Variants in LYPLAL1 observed in about 807,000 individuals in gnomAD.
The protein encoded by LYPLAL1 is lysophospholipase like 1.
In LYPLAL1, 23 loss-of-function variants were observed where a neutral mutation model predicts 19.7. The observed-to-expected ratio is 1.17, with a 90% CI of 0.84 to 1.65. The LOEUF (loss-of-function observed/expected upper bound fraction) is 1.65. LYPLAL1 is among the 40% of genes most tolerant of loss of function. The probability of loss-of-function intolerance (pLI) is 0.00; values close to 1 mark genes in which losing one functional copy is unlikely to be tolerated. For synonymous variants in LYPLAL1, 119 were observed against 96.3 expected, an observed-to-expected ratio of 1.24 and a Z score of -1.38; for missense variants, 355 against 279.4, an observed-to-expected ratio of 1.27 and a Z score of -1.93.
At chr1:219,445,097 T>C in the LYPLAL1 span, among the ~76,000 whole-genome samples, 60 of 152,234 alleles carry the variant, frequency 3.9e-4, 1 homozygote, top group Admixed American at 3.4e-3. Context: ...CTTTCAGTTT[T>C]CTACATGCAT....
the LYPLAL1 span, among the ~76,000 whole-genome samples, chr1:219,268,758 G>A: frequency 6.6e-6 from 1 of 152,150 alleles, no homozygotes; most frequent in African/African-American, 2.4e-5. Flanking sequence ...TCACACAAAA[G>A]CAGGCTTCAT....
the LYPLAL1 span, among the ~76,000 whole-genome samples, chr1:219,419,436 C>T: frequency 6.6e-6 from 1 of 151,936 alleles, no homozygotes; most frequent in African/African-American, 2.4e-5. Flanking sequence ...GCCTTGATAC[C>T]TCCTCTTCCT....
At chr1:219,225,815 C>T in the LYPLAL1 span, among the ~76,000 whole-genome samples, 3 of 152,142 alleles carry the variant, frequency 2.0e-5, no homozygotes, top group African/African-American at 7.2e-5. Context: ...TCCTGCCTCT[C>T]GTCTCCCATG....
intron 2 of LYPLAL1, among the ~76,000 whole-genome samples, chr1:219,191,427 G>C (rs1198365204): frequency 6.6e-6 from 1 of 151,514 alleles, no homozygotes; most frequent in Non-Finnish European, 1.5e-5. Flanking sequence ...CCATTAAAAG[G>C]GTAAGTTAGA....
At chr1:219,251,499 A>G in the LYPLAL1 span, among the ~76,000 whole-genome samples, 5 of 152,070 alleles carry the variant, frequency 3.3e-5, no homozygotes, top group Non-Finnish European at 2.9e-5. Context: ...GCATATGGCT[A>G]GCCAGTTATC....
intron 3 of LYPLAL1, among the ~76,000 whole-genome samples, chr1:219,202,491 T>C (rs1183687163): frequency 2.6e-5 from 4 of 152,238 alleles, no homozygotes; most frequent in Non-Finnish European, 5.9e-5. Context: ...TACTGTTTAG[T>C]ATTTTTCTAC....
chr1:219,194,667 C>A (rs894358903), intron 3 of LYPLAL1, among the ~76,000 whole-genome samples: 2 of 151,894 alleles, frequency 1.3e-5, no homozygotes, highest in Non-Finnish European at 2.9e-5. Flanking sequence ...TGGCACAGAG[C>A]AAATACTCAG....
chr1:219,358,108 A>T, the LYPLAL1 span, among the ~76,000 whole-genome samples: 2 of 152,184 alleles, frequency 1.3e-5, no homozygotes, highest in Admixed American at 1.3e-4. Flanking sequence ...GACAAAACTC[A>T]TGAAACTTCA....
chr1:219,208,671 CTG>C (rs1377372064), intron 3 of LYPLAL1, among the ~76,000 whole-genome samples: 1 of 151,708 alleles, frequency 6.6e-6, no homozygotes, highest in Non-Finnish European at 1.5e-5. Flanking sequence ...TGAAGAAAAA[CTG>C]TTTCTTACCC....
At chr1:219,228,296 A>G in the LYPLAL1 span, among the ~76,000 whole-genome samples, 1 of 152,168 alleles carries the variant, frequency 6.6e-6, no homozygotes, top group Non-Finnish European at 1.5e-5. Context: ...TTTATTACCT[A>G]CAATTGGGGA....
At chr1:219,346,460 A>AT in the LYPLAL1 span, among the ~76,000 whole-genome samples, 50,453 of 136,106 alleles carry the variant, frequency 0.37, 9,207 homozygotes, top group Admixed American at 0.46. Flanking sequence ...GTCAATTTCT[A>AT]TTTTTTTTTT....
At chr1:219,287,225 C>T in the LYPLAL1 span, among the ~76,000 whole-genome samples, 3 of 152,148 alleles carry the variant, frequency 2.0e-5, no homozygotes, top group Non-Finnish European at 2.9e-5. Context: ...GGACTTGCTG[C>T]CCAGACTTCT....
chr1:219,214,452 T>G (rs570315135), downstream of LYPLAL1, among the ~76,000 whole-genome samples: 2 of 152,184 alleles, frequency 1.3e-5, no homozygotes, highest in South Asian at 4.1e-4. Context: ...TTGCTATTAA[T>G]TTTTCCTTAA....
chr1:219,201,036 CAA>C (rs894349881), intron 3 of LYPLAL1, among the ~76,000 whole-genome samples: 11 of 152,002 alleles, frequency 7.2e-5, no homozygotes, highest in African/African-American at 2.7e-4. Flanking sequence ...ATTCCTGTCA[CAA>C]AAAAAGTGTA....
In LYPLAL1 at chr1:219,179,009, C is replaced by T. The variant is rs1216602066; in HGVS notation, c.92-138C>T. On this transcript the variant is annotated intron_variant, in intron 1 of 4. Coordinates refer to ENST00000366928, the MANE Select transcript of LYPLAL1 (RefSeq NM_138794.5). The stretch of plus-strand genomic sequence containing the variant: ...TTAATTCATATTAGTAAGTCAGTTT[C>T]TATATGGTTATTATGATGTATGGAG... The T allele has an allele frequency of 1.3e-5, 7 of 525,088 alleles. No homozygotes were observed. The East Asian group carries it at 2.0e-4, about 15-fold the overall frequency. 32.5% of individuals were successfully genotyped at this position (525,088 alleles called of 1,614,324 possible).
At chr1:219,215,427 G>T (rs564451720), downstream of LYPLAL1, among the ~76,000 whole-genome samples, 1 of 152,070 alleles carries the variant, frequency 6.6e-6, no homozygotes, top group South Asian at 2.1e-4. Flanking sequence ...CTTGATTATT[G>T]TGTGTCTTGG....
intron 3 of LYPLAL1, among the ~76,000 whole-genome samples, chr1:219,209,018 G>T (rs1422299222): frequency 6.6e-6 from 1 of 152,004 alleles, no homozygotes; most frequent in Non-Finnish European, 1.5e-5. Flanking sequence ...ATGTACATTT[G>T]CAAATTTTAC....
the LYPLAL1 span, among the ~76,000 whole-genome samples, chr1:219,340,544 A>G: frequency 1.3e-5 from 2 of 152,036 alleles, no homozygotes; most frequent in Non-Finnish European, 2.9e-5. Context: ...TTACTTATTC[A>G]TAATAGGTGG....
At chr1:219,230,917 A>G in the LYPLAL1 span, among the ~76,000 whole-genome samples, 2 of 152,236 alleles carry the variant, frequency 1.3e-5, no homozygotes, top group African/African-American at 4.8e-5. Context: ...CCAGACTCAC[A>G]GAATCCCACT....
Sources: gnomAD v4.1 joint callset for allele counts (sites outside exome capture counted in the v4.1 genomes callset) on GRCh38, gnomAD v4.1.1 for gene constraint, MANE v1.5 for transcripts, NCBI Gene and HGNC (gene_info 2026-07-23, HGNC 2026-07-21) for gene names.